The following CNTNAP4 variants were observed in gnomAD, a reference collection of about 807,000 sequenced individuals.
CNTNAP4 encodes the protein contactin associated protein family member 4, also known as contactin-associated protein-like 4.
Under a neutral mutation model 148.4 loss-of-function variants are expected in CNTNAP4, and 98 were observed. That is an observed-to-expected ratio of 0.66 (90% CI 0.56 to 0.78). The LOEUF (loss-of-function observed/expected upper bound fraction) is 0.78, where lower values mean the gene tolerates loss of function less well. CNTNAP4 is among the 30% of genes least tolerant of loss of function. The probability of loss-of-function intolerance (pLI) is 0.00; values close to 1 mark genes in which losing one functional copy is unlikely to be tolerated. For synonymous variants in CNTNAP4, 730 were observed against 565.1 expected (o/e 1.29, Z -4.14); for missense variants, 1,935 against 1,565.6 (o/e 1.24, Z -3.98).
chr16:76,368,179 T>C (rs2014381322), intron 3 of CNTNAP4, among the ~76,000 whole-genome samples: 1 of 152,168 alleles, frequency 6.6e-6, no homozygotes, highest in African/African-American at 2.4e-5. Context: ...TTCTTTGAGT[T>C]AATGTTGCAA....
At chr16:76,372,881 C>T (rs912881082) in intron 3 of CNTNAP4, among the ~76,000 whole-genome samples, 2 of 152,146 alleles carry the variant, frequency 1.3e-5, no homozygotes, top group Non-Finnish European at 1.5e-5. Flanking sequence ...GAAAAGTGTA[C>T]CTATTTCTTA....
intron 2 of CNTNAP4, among the ~76,000 whole-genome samples, chr16:76,337,942 C>T (rs757713200): frequency 2.5e-4 from 38 of 152,288 alleles, no homozygotes; most frequent in African/African-American, 8.4e-4. Context: ...CCCTGAAGAT[C>T]GCTGTTGTTC....
At chr16:76,351,744 G>A (rs1400944424) in intron 2 of CNTNAP4, among the ~76,000 whole-genome samples, 2 of 152,224 alleles carry the variant, frequency 1.3e-5, no homozygotes, top group African/African-American at 2.4e-5. Flanking sequence ...GTTGGCTGGT[G>A]CAGCTGTAAC....
chr16:76,501,938 G>A (rs1183988682), intron 15 of CNTNAP4, among the ~76,000 whole-genome samples: 3 of 151,334 alleles, frequency 2.0e-5, no homozygotes, highest in Non-Finnish European at 4.4e-5. Context: ...GCGTAGTGGC[G>A]GGCGCCTGTA....
At chr16:76,369,339 A>T (rs1053163768) in intron 3 of CNTNAP4, among the ~76,000 whole-genome samples, 2 of 152,236 alleles carry the variant, frequency 1.3e-5, no homozygotes, top group African/African-American at 4.8e-5. Flanking sequence ...GTTTAATACA[A>T]GATAGACAGG....
At chr16:76,406,390 C>G (rs2078601508) in intron 3 of CNTNAP4, among the ~76,000 whole-genome samples, 1 of 151,978 alleles carries the variant, frequency 6.6e-6, no homozygotes, top group Non-Finnish European at 1.5e-5. Context: ...TCCTGAGAGA[C>G]AACAATATTG....
At chr16:76,286,282 C>A (rs1958882715) in intron 1 of CNTNAP4, among the ~76,000 whole-genome samples, 1 of 150,916 alleles carries the variant, frequency 6.6e-6, no homozygotes, top group South Asian at 2.1e-4. Flanking sequence ...GAAAGCATTG[C>A]CCCTAGGTGG....
intron 3 of CNTNAP4, among the ~76,000 whole-genome samples, chr16:76,400,343 G>C (rs903148207): frequency 6.6e-6 from 1 of 152,030 alleles, no homozygotes; most frequent in Non-Finnish European, 1.5e-5. Context: ...TAGCAAATTT[G>C]AAATATATAA....
intron 8 of CNTNAP4, among the ~76,000 whole-genome samples, chr16:76,460,773 A>AAAAAAAAATATATATATATATATATATAT: frequency 1.7e-5 from 1 of 57,320 alleles, no homozygotes; most frequent in Non-Finnish European, 3.3e-5. Flanking sequence ...AAAAAAAAAA[A>AAAAAAAAATATATATATATATATATATAT]ATATATATAT....
At chr16:76,379,469 A>G (rs544177376) in intron 3 of CNTNAP4, among the ~76,000 whole-genome samples, 1 of 152,210 alleles carries the variant, frequency 6.6e-6, no homozygotes, top group East Asian at 1.9e-4. Context: ...TGTTAGTTTT[A>G]TGTTCTTTTT....
chr16:76,372,041 A>G (rs371612280), intron 3 of CNTNAP4, among the ~76,000 whole-genome samples: 1 of 152,008 alleles, frequency 6.6e-6, no homozygotes, highest in Non-Finnish European at 1.5e-5. Flanking sequence ...CAGGGTTTGT[A>G]TAACTTTAAT....
At chr16:76,555,908 T>C (rs945965733) in intron 23 of CNTNAP4, among the ~76,000 whole-genome samples, 3 of 152,194 alleles carry the variant, frequency 2.0e-5, no homozygotes, top group South Asian at 4.1e-4. Flanking sequence ...GTAATGGCCA[T>C]GTAACCTCTG....
chr16:76,366,642 A>G (rs2014168481), intron 3 of CNTNAP4, among the ~76,000 whole-genome samples: 1 of 152,106 alleles, frequency 6.6e-6, no homozygotes, highest in African/African-American at 2.4e-5. Context: ...TATTCTGGGT[A>G]TGTACTCAGT....
intron 1 of CNTNAP4, among the ~76,000 whole-genome samples, chr16:76,288,026 C>G (rs969096199): frequency 6.6e-6 from 1 of 152,044 alleles, no homozygotes; most frequent in Non-Finnish European, 1.5e-5. Context: ...CTATTTCCCC[C>G]ACCCAAATCT....
At chr16:76,312,775 A>G (rs189688143) in intron 1 of CNTNAP4, among the ~76,000 whole-genome samples, 2 of 152,312 alleles carry the variant, frequency 1.3e-5, no homozygotes, top group East Asian at 3.9e-4. Context: ...AGAGCAAATT[A>G]ATCGAACTGT....
At chr16:76,467,908 A>G (rs1311526768) in intron 10 of CNTNAP4, among the ~76,000 whole-genome samples, 1 of 152,236 alleles carries the variant, frequency 6.6e-6, no homozygotes, top group Non-Finnish European at 1.5e-5. Context: ...CTATGTAGTC[A>G]GTTATCAAAC....
At chr16:76,382,696 T>C (rs777748050) in intron 3 of CNTNAP4, among the ~76,000 whole-genome samples, 7 of 152,182 alleles carry the variant, frequency 4.6e-5, no homozygotes, top group Non-Finnish European at 8.8e-5. Context: ...TGACTATGTT[T>C]ATCAAGAAAT....
chr16:76,388,527 C>T (rs1347354433), intron 3 of CNTNAP4, among the ~76,000 whole-genome samples: 2 of 152,154 alleles, frequency 1.3e-5, no homozygotes, highest in Non-Finnish European at 2.9e-5. Context: ...AGTCAATTCA[C>T]ACAAGGTAAA....
intron 1 of CNTNAP4, among the ~76,000 whole-genome samples, chr16:76,282,942 T>G (rs1478782644): frequency 1.3e-5 from 2 of 151,868 alleles, no homozygotes; most frequent in African/African-American, 4.8e-5. Flanking sequence ...TTTTAGTGCT[T>G]CAGCTTTAAA....
Sources: allele counts gnomAD v4.1 joint callset (sites outside exome capture counted in the v4.1 genomes callset), GRCh38; gene constraint gnomAD v4.1.1; transcripts MANE v1.5; gene names NCBI Gene and HGNC (gene_info 2026-07-23, HGNC 2026-07-21).